Variants in ZNF385D observed in about 807,000 individuals in gnomAD.
ZNF385D encodes the protein zinc finger protein 659.
Under a neutral mutation model 35.8 loss-of-function variants are expected in ZNF385D, and 15 were observed. That is an observed-to-expected ratio of 0.42 (90% CI 0.28 to 0.64). ZNF385D has a LOEUF of 0.64. Ranked by LOEUF, ZNF385D falls within the 30% of genes least tolerant of loss-of-function variation. ZNF385D has a pLI of 0.23. For missense variants in ZNF385D, 474 were observed against 494.6 expected (o/e 0.96, Z 0.39); for synonymous variants, 212 against 186.8 (o/e 1.13, Z -1.10).
At chr3:21,595,352 C>G (rs1254874685) in intron 2 of ZNF385D, among the ~76,000 whole-genome samples, 1 of 151,716 alleles carries the variant, frequency 6.6e-6, no homozygotes, top group African/African-American at 2.4e-5. Context: ...AACTGCCATT[C>G]TCATTATATA....
At chr3:21,727,135 C>T (rs749873910) in intron 1 of ZNF385D, among the ~76,000 whole-genome samples, 3 of 152,174 alleles carry the variant, frequency 2.0e-5, no homozygotes, top group Non-Finnish European at 2.9e-5. Flanking sequence ...AAAACTGAAA[C>T]TGGACCCCTT....
chr3:21,946,495 G>C (rs1701792177), intron 3 of ZNF385D, among the ~76,000 whole-genome samples: 1 of 152,122 alleles, frequency 6.6e-6, no homozygotes. Flanking sequence ...TAAGTAGAAT[G>C]TTCTTATGAA....
chr3:22,230,563 G>C (rs1357307842), intron 2 of ZNF385D, among the ~76,000 whole-genome samples: 1 of 152,016 alleles, frequency 6.6e-6, no homozygotes, highest in Admixed American at 6.5e-5. Context: ...CCTAATACTG[G>C]AAAAAATAAG....
chr3:21,639,143 T>C (rs1195209141), intron 2 of ZNF385D, among the ~76,000 whole-genome samples: 1 of 152,068 alleles, frequency 6.6e-6, no homozygotes, highest in East Asian at 1.9e-4. Context: ...ACAACTAAGA[T>C]AAAAAGCATA....
At chr3:22,248,019 A>C (rs916093626) in intron 2 of ZNF385D, among the ~76,000 whole-genome samples, 3 of 152,170 alleles carry the variant, frequency 2.0e-5, no homozygotes, top group Non-Finnish European at 4.4e-5. Flanking sequence ...AATACATATA[A>C]TAGAGATTTA....
intron 3 of ZNF385D, among the ~76,000 whole-genome samples, chr3:22,073,712 G>T (rs570292211): frequency 6.6e-6 from 1 of 151,726 alleles, no homozygotes; most frequent in African/African-American, 2.4e-5. Flanking sequence ...AAAGAAATGG[G>T]GGGTTGGACA....
At chr3:21,951,253 G>A (rs1037460542) in intron 3 of ZNF385D, among the ~76,000 whole-genome samples, 7 of 151,528 alleles carry the variant, frequency 4.6e-5, no homozygotes, top group Non-Finnish European at 1.5e-5. Context: ...CCTTGAAGAG[G>A]TCCTTCACAT....
chr3:21,978,765 G>A (rs12634535), intron 3 of ZNF385D, among the ~76,000 whole-genome samples: 38,422 of 151,752 alleles, frequency 0.25, 5,287 homozygotes, highest in East Asian at 0.32. Flanking sequence ...AAGTCTTCTC[G>A]GGGAGCAAGG....
chr3:22,235,678 G>A (rs1016425705), intron 2 of ZNF385D, among the ~76,000 whole-genome samples: 14 of 151,990 alleles, frequency 9.2e-5, no homozygotes, highest in Admixed American at 8.5e-4. Context: ...AAGTATATTT[G>A]GAGTCAAAAA....
chr3:22,207,243 T>C (rs1576496105), intron 2 of ZNF385D, among the ~76,000 whole-genome samples: 1 of 151,854 alleles, frequency 6.6e-6, no homozygotes, highest in Non-Finnish European at 1.5e-5. Context: ...CACAGACCAA[T>C]GGAACAGATA....
rs1164290110 is a variant in ZNF385D, at chr3:21,463,865, T to C, written c.440-26662A>G. Among the ~76,000 whole-genome samples the C allele has an allele frequency of 5.9e-5, 9 of 151,824 alleles. No individual in the cohort carries two copies. The East Asian group carries it at 1.5e-3, about 26-fold the overall frequency. ...TTCCCAGATGGTTAGTACAATATAG[T>C]GTACTCTTAGGAGAGCTGCTTAGCC... On this transcript the variant is annotated intron_variant, in intron 4 of 7. Coordinates refer to ENST00000281523, the MANE Select transcript of ZNF385D (RefSeq NM_024697.3).
intron 3 of ZNF385D, among the ~76,000 whole-genome samples, chr3:22,094,013 T>C (rs887319263): frequency 9.9e-5 from 15 of 152,100 alleles, no homozygotes; most frequent in African/African-American, 3.6e-4. Context: ...ATAATACCAA[T>C]TTAACGCTTT....
intron 3 of ZNF385D, among the ~76,000 whole-genome samples, chr3:22,024,672 C>A (rs886267840): frequency 2.0e-5 from 3 of 152,032 alleles, no homozygotes; most frequent in Admixed American, 1.3e-4. Flanking sequence ...GAGAGTTATG[C>A]AAAATAAATG....
intron 3 of ZNF385D, among the ~76,000 whole-genome samples, chr3:22,094,480 A>C (rs1197879868): frequency 7.9e-6 from 1 of 126,820 alleles, no homozygotes; most frequent in Non-Finnish European, 1.8e-5. Context: ...CCAGACATTG[A>C]TTGAGGGTAA....
intron 3 of ZNF385D, among the ~76,000 whole-genome samples, chr3:21,838,292 A>G (rs116772091): frequency 6.6e-6 from 1 of 152,106 alleles, no homozygotes; most frequent in Non-Finnish European, 1.5e-5. Context: ...TATGTAAGGG[A>G]AAGTTTTCAA....
At chr3:21,698,661 C>A (rs576969008) in intron 1 of ZNF385D, among the ~76,000 whole-genome samples, 1 of 151,910 alleles carries the variant, frequency 6.6e-6, no homozygotes, top group East Asian at 1.9e-4. Context: ...CAAACAAACC[C>A]ATTAAAAAAT....
chr3:21,558,834 G>T (rs2062834925), intron 3 of ZNF385D, among the ~76,000 whole-genome samples: 1 of 152,054 alleles, frequency 6.6e-6, no homozygotes, highest in African/African-American at 2.4e-5. Context: ...CCTTTATTGG[G>T]TGTATATATA....
At chr3:21,723,830 C>T (rs1456674311) in intron 1 of ZNF385D, among the ~76,000 whole-genome samples, 1 of 151,966 alleles carries the variant, frequency 6.6e-6, no homozygotes, top group African/African-American at 2.4e-5. Flanking sequence ...AGAAGAGCAA[C>T]CCCAAGACAC....
At chr3:21,953,862 G>C (rs571262771) in intron 3 of ZNF385D, among the ~76,000 whole-genome samples, 10 of 151,978 alleles carry the variant, frequency 6.6e-5, no homozygotes, top group Non-Finnish European at 1.2e-4. Flanking sequence ...ACTCACTCAC[G>C]TATACACACA....
Sources: allele counts gnomAD v4.1 joint callset (sites outside exome capture counted in the v4.1 genomes callset), GRCh38; gene constraint gnomAD v4.1.1; transcripts MANE v1.5; gene names NCBI Gene and HGNC (gene_info 2026-07-23, HGNC 2026-07-21).